Variants in TMEM232 observed in about 807,000 individuals in gnomAD.
The protein encoded by TMEM232 is transmembrane protein 232.
In TMEM232, 80 loss-of-function variants were observed where a neutral mutation model predicts 78.8. The observed-to-expected ratio is 1.01, with a 90% CI of 0.85 to 1.22. TMEM232 has a LOEUF of 1.22. TMEM232 is among the 50% of genes most tolerant of loss of function. The pLI is 0.00. For synonymous variants in TMEM232, 297 were observed against 254.3 expected (o/e 1.17, Z -1.60); for missense variants, 881 against 742.2 (o/e 1.19, Z -2.17).
intron 7 of TMEM232, among the ~76,000 whole-genome samples, chr5:110,620,485 G>A (rs1253514791): frequency 6.6e-6 from 1 of 151,674 alleles, no homozygotes; most frequent in African/African-American, 2.4e-5. Context: ...CTCTTCCCAA[G>A]ATCATCCAAA....
chr5:110,667,016 T>C (rs1369536271), intron 2 of TMEM232: 2 of 414,152 alleles, frequency 4.8e-6, no homozygotes, highest in East Asian at 4.6e-5. Context: ...TAAGAAAACA[T>C]ATGAGTATAG....
chr5:110,693,675 G>A (rs894916060), intron 1 of TMEM232, among the ~76,000 whole-genome samples: 3 of 152,282 alleles, frequency 2.0e-5, no homozygotes, highest in Admixed American at 6.5e-5. Context: ...CTCAGTAGCC[G>A]ATGTGATCAA....
intron 12 of TMEM232, among the ~76,000 whole-genome samples, chr5:110,494,527 G>C (rs1414643769): frequency 6.6e-6 from 1 of 152,066 alleles, no homozygotes; most frequent in Non-Finnish European, 1.5e-5. Flanking sequence ...CATTCAGAGT[G>C]CAGGGAGGGA....
intron 2 of TMEM232, among the ~76,000 whole-genome samples, chr5:110,651,446 AAAAGGG>A (rs201330337): frequency 0.019 from 2,823 of 150,694 alleles, 28 homozygotes; most frequent in Admixed American, 0.023. Context: ...GAAGGGGAGG[AAAAGGG>A]AAAGGGAAAG....
intron 12 of TMEM232, among the ~76,000 whole-genome samples, chr5:110,500,972 G>A (rs186475890): frequency 2.0e-5 from 3 of 152,246 alleles, no homozygotes; most frequent in Admixed American, 2.0e-4. Context: ...TGGTCAAAAT[G>A]CAAGATACAA....
chr5:110,645,609 C>T (rs974905066), intron 2 of TMEM232, among the ~76,000 whole-genome samples: 4 of 151,426 alleles, frequency 2.6e-5, no homozygotes, highest in African/African-American at 9.7e-5. Context: ...AAACCACAGC[C>T]AATATCATAA....
At chr5:110,607,786 A>G (rs1443548363) in intron 8 of TMEM232, among the ~76,000 whole-genome samples, 1 of 151,916 alleles carries the variant, frequency 6.6e-6, no homozygotes, top group African/African-American at 2.4e-5. Flanking sequence ...AAAATTAAAT[A>G]ACAGGTGTTA....
intron 12 of TMEM232, among the ~76,000 whole-genome samples, chr5:110,454,145 T>TCCA (rs1760625226): frequency 6.6e-6 from 1 of 152,106 alleles, no homozygotes; most frequent in South Asian, 2.1e-4. Flanking sequence ...ATCAATACTA[T>TCCA]CCACCAACTT....
At chr5:110,464,079 A>C (rs371201341) in intron 12 of TMEM232, among the ~76,000 whole-genome samples, 5 of 152,166 alleles carry the variant, frequency 3.3e-5, no homozygotes, top group African/African-American at 1.2e-4. Context: ...TCATAATCTA[A>C]TTTTTCATAC....
At chr5:110,473,913 A>C (rs1762953348) in intron 12 of TMEM232, among the ~76,000 whole-genome samples, 1 of 147,150 alleles carries the variant, frequency 6.8e-6, no homozygotes, top group African/African-American at 2.5e-5. Context: ...AAAAAAAAAA[A>C]AAAAACCCGC....
intron 11 of TMEM232, among the ~76,000 whole-genome samples, chr5:110,537,421 T>A (rs924672247): frequency 2.0e-5 from 3 of 152,066 alleles, no homozygotes; most frequent in Non-Finnish European, 4.4e-5. Context: ...GCACGGCAAA[T>A]GGTCCAAAAT....
chr5:110,626,720 G>A (rs1046144894), intron 6 of TMEM232, among the ~76,000 whole-genome samples: 12 of 151,592 alleles, frequency 7.9e-5, no homozygotes, highest in African/African-American at 2.7e-4. Flanking sequence ...TCTGAATTCC[G>A]CTTCCACCTC....
intron 1 of TMEM232, among the ~76,000 whole-genome samples, chr5:110,695,680 G>A (rs1283411185): frequency 1.3e-5 from 2 of 152,166 alleles, no homozygotes; most frequent in Non-Finnish European, 2.9e-5. Flanking sequence ...ACACCTCTAT[G>A]CAAATAAACA....
chr5:110,704,177 G>A, intron 1 of TMEM232, among the ~76,000 whole-genome samples: 1 of 152,160 alleles, frequency 6.6e-6, no homozygotes, highest in East Asian at 1.9e-4. Flanking sequence ...ACTAGACATA[G>A]GACTATGTTT....
chr5:110,726,108 T>TACA (rs1554087762), intron 1 of TMEM232, among the ~76,000 whole-genome samples: 1 of 144,550 alleles, frequency 6.9e-6, no homozygotes, highest in African/African-American at 2.6e-5. Flanking sequence ...CCTCTCTCTT[T>TACA]CACACACACA....
intron 1 of TMEM232, 54 bp from the exon 2 acceptor site, chr5:110,667,418 C>T: frequency 7.6e-7 from 1 of 1,310,456 alleles, no homozygotes; most frequent in Non-Finnish European, 1.0e-6. Flanking sequence ...TAGTATCAAA[C>T]AACATGTTAT....
intron 12 of TMEM232, among the ~76,000 whole-genome samples, chr5:110,511,961 G>C (rs964856299): frequency 6.6e-6 from 1 of 151,982 alleles, no homozygotes; most frequent in African/African-American, 2.4e-5. Flanking sequence ...TGCACATTCT[G>C]TCCCTTCTGT....
chr5:110,543,306 TG>T (rs1728749643), intron 11 of TMEM232, among the ~76,000 whole-genome samples: 1 of 152,198 alleles, frequency 6.6e-6, no homozygotes, highest in Non-Finnish European at 1.5e-5. Flanking sequence ...GATTCTCTTG[TG>T]GGGAGCCCAG....
chr5:110,415,799 A>T (rs1756183049), downstream of TMEM232, among the ~76,000 whole-genome samples: 1 of 152,138 alleles, frequency 6.6e-6, no homozygotes, highest in Non-Finnish European at 1.5e-5. Context: ...CTGGCTATGT[A>T]TTAAAAAGCT....
Sources: gnomAD v4.1 joint callset for allele counts (sites outside exome capture counted in the v4.1 genomes callset) on GRCh38, gnomAD v4.1.1 for gene constraint, MANE v1.5 for transcripts, NCBI Gene and HGNC (gene_info 2026-07-23, HGNC 2026-07-21) for gene names.